Variants in TSGA10 observed in about 807,000 individuals in gnomAD.
TSGA10 encodes testis specific 10.
Under a neutral mutation model 96.6 loss-of-function variants are expected in TSGA10, and 43 were observed. The observed-to-expected ratio is 0.44, with a 90% CI of 0.35 to 0.57. The LOEUF (loss-of-function observed/expected upper bound fraction) is 0.57, where lower values mean the gene tolerates loss of function less well. Among genes scored for constraint, TSGA10 ranks in the 20% least tolerant of loss-of-function variants. TSGA10 has a pLI of 0.01. For missense variants in TSGA10, 703 were observed against 834.4 expected, an observed-to-expected ratio of 0.84 and a Z score of 1.94; for synonymous variants, 229 against 269.9, an observed-to-expected ratio of 0.85 and a Z score of 1.48.
chr2:99,124,586 T>C (rs533714814), intron 2 of TSGA10, among the ~76,000 whole-genome samples: 1 of 152,032 alleles, frequency 6.6e-6, no homozygotes, highest in Non-Finnish European at 1.5e-5. Flanking sequence ...TGTTACATTA[T>C]ATATATATAT....
intron 4 of TSGA10, among the ~76,000 whole-genome samples, chr2:99,111,780 ATG>A (rs2091843825): frequency 6.6e-6 from 1 of 152,126 alleles, no homozygotes; most frequent in African/African-American, 2.4e-5. Flanking sequence ...ACAATTTTCA[ATG>A]TTTTAATGTA....
At chr2:99,060,147 G>A (rs992645440) in intron 16 of TSGA10, among the ~76,000 whole-genome samples, 3 of 152,036 alleles carry the variant, frequency 2.0e-5, no homozygotes, top group Admixed American at 6.6e-5. Flanking sequence ...AATTGCATAC[G>A]TAGAAAATCC....
rs148816283 is a variant in TSGA10, at chr2:99,018,285, T to G, written c.1987A>C (p.Thr663Pro). The G allele has an allele frequency of 9.7e-4, 1,566 of 1,614,196 alleles. 23 individuals carry two copies. The East Asian group carries it at 0.021, about 22-fold the overall frequency. The change falls in exon 20 of 21, where the codon ACA (threonine) becomes CCA (proline). Residue 663 changes from threonine (T) to proline (P), a missense_variant. Thr to Pro is a conservative substitution (Grantham distance 38). Coordinates refer to ENST00000393483, the MANE Select transcript of TSGA10 (RefSeq NM_025244.4). Reference sequence around the variant, plus strand: ...TGACATTTTGTATTTGGCTTCATTGTAGAACTCATATGATAAGCATTACTT... The same window carrying G: ...TGACATTTTGTATTTGGCTTCATTGGAGAACTCATATGATAAGCATTACTT... ...YSSNAYHMSS[T>P]MKPNTKCHSP...
intron 16 of TSGA10, among the ~76,000 whole-genome samples, chr2:99,063,810 A>AT (rs1553456803): frequency 6.6e-6 from 1 of 151,882 alleles, no homozygotes; most frequent in Non-Finnish European, 1.5e-5. Flanking sequence ...ATCTCAAAAA[A>AT]ATATATATAT....
At chr2:99,020,539 T>A in intron 17 of TSGA10, 57 bp from the exon 18 acceptor site, 1 of 1,336,812 alleles carries the variant, frequency 7.5e-7, no homozygotes. Flanking sequence ...TTAACTATTA[T>A]ATTATCAGGG....
At chr2:99,120,171 C>T (rs964520771) in intron 2 of TSGA10, among the ~76,000 whole-genome samples, 1 of 152,166 alleles carries the variant, frequency 6.6e-6, no homozygotes, top group African/African-American at 2.4e-5. Context: ...CTTGTTTCTG[C>T]ATCATTTATT....
At chr2:99,002,112 T>A (rs770423503) in intron 20 of TSGA10, among the ~76,000 whole-genome samples, 3 of 152,132 alleles carry the variant, frequency 2.0e-5, no homozygotes, top group Non-Finnish European at 2.9e-5. Flanking sequence ...CAGGCCGACA[T>A]TCAAATTCAG....
intron 1 of TSGA10, chr2:99,141,255 G>T (rs932859921): frequency 1.1e-6 from 1 of 886,702 alleles, no homozygotes; most frequent in Non-Finnish European, 1.4e-6. Flanking sequence ...CGCCCCGGCG[G>T]ATCGGAGGAA....
intron 12 of TSGA10, among the ~76,000 whole-genome samples, chr2:99,077,980 G>A (rs963359714): frequency 1.3e-5 from 2 of 151,828 alleles, no homozygotes; most frequent in African/African-American, 4.8e-5. Context: ...ATGTAAAAAT[G>A]TGCTCCTAGG....
chr2:99,009,528 C>T (rs2078819355), intron 20 of TSGA10, among the ~76,000 whole-genome samples: 2 of 140,296 alleles, frequency 1.4e-5, no homozygotes, highest in South Asian at 2.3e-4. Context: ...GCCGAGATCG[C>T]ACCACTGCAC....
intron 12 of TSGA10, among the ~76,000 whole-genome samples, chr2:99,076,066 C>A (rs1252581893): frequency 6.6e-6 from 1 of 152,082 alleles, no homozygotes; most frequent in Admixed American, 6.5e-5. Context: ...TTCCTCCAAA[C>A]CTAAAAGTCC....
intron 2 of TSGA10, among the ~76,000 whole-genome samples, chr2:99,119,438 T>G (rs866940145): frequency 1.3e-5 from 2 of 152,166 alleles, no homozygotes; most frequent in Non-Finnish European, 1.5e-5. Flanking sequence ...CAACTCGACT[T>G]AGCTGTCCAA....
chr2:98,998,164 C>T lies in TSGA10; in HGVS notation c.*33G>A. 6.3e-7 allele frequency: 1 copy of T among 1,581,912 alleles called. No individual in the cohort carries two copies. Among genetic ancestry groups the T allele is most frequent in the Non-Finnish European group, 8.6e-7 (1 of 1,168,352 alleles). On this transcript the variant is annotated 3_prime_UTR_variant, in exon 21 of 21. Coordinates refer to ENST00000393483, the MANE Select transcript of TSGA10 (RefSeq NM_025244.4). The stretch of plus-strand genomic sequence containing the variant: ...AAAAAAATCAGTTTGTAACTTTGAC[C>T]TTTCTCAGGGATGTGAAGAATCATT...
At chr2:99,127,292 C>T in intron 1 of TSGA10, 116 bp from the exon 2 acceptor site, 17 of 852,426 alleles carry the variant, frequency 2.0e-5, no homozygotes, top group Non-Finnish European at 2.1e-5. Flanking sequence ...TTAACCATTT[C>T]CCACCAGCTA....
At chr2:99,106,692 T>C (rs2104823969) in intron 7 of TSGA10, among the ~76,000 whole-genome samples, 1 of 149,308 alleles carries the variant, frequency 6.7e-6, no homozygotes, top group East Asian at 2.2e-4. Context: ...ATAATGGTCT[T>C]TTCTCAGTTC....
chr2:99,035,086 C>T lies in TSGA10; in HGVS notation c.1614+144G>A, dbSNP rs539251615. Reference sequence around the variant, plus strand: ...TTGTCTGGAATACAGCTGTCATAAACTAACCTCTTGGATTTTAAAAATAAA... The same window carrying T: ...TTGTCTGGAATACAGCTGTCATAAATTAACCTCTTGGATTTTAAAAATAAA... On this transcript the variant is annotated intron_variant, in intron 17 of 20. Transcript: ENST00000393483. 65 of 602,692 alleles carry T rather than the reference C, an allele frequency of 1.1e-4. No individual in the cohort carries two copies. In the South Asian group the frequency reaches 1.5e-3, roughly 14 times the overall value. 37.3% of individuals were successfully genotyped at this position (602,692 alleles called of 1,614,324 possible).
At chr2:99,031,442 G>A (rs1394218908) in intron 17 of TSGA10, among the ~76,000 whole-genome samples, 1 of 152,000 alleles carries the variant, frequency 6.6e-6, no homozygotes, top group Middle Eastern at 3.4e-3. Context: ...TAGAGCTATA[G>A]CAAATAATTT....
Position 99,101,999 on chromosome 2 carries a change from T to C in TSGA10, c.611+1968A>G, listed in dbSNP as rs1159167304. On this transcript the variant is annotated intron_variant, in intron 10 of 20. Transcript: ENST00000393483. ...TCTTACATTTAACAATACCGGATTA[T>C]ACACTTAAAATTTTGTTAACAGAAT... 3.7e-6 allele frequency: 4 copies of C among 1,090,198 alleles called. No homozygotes were observed. The African/African-American group carries it at 6.2e-5, about 17-fold the overall frequency. 67.5% of individuals were successfully genotyped at this position (1,090,198 alleles called of 1,614,324 possible). A position where few individuals can be genotyped will look rare whatever the true frequency, so the allele number is the denominator to read the frequency against.
At chr2:99,056,392 C>T (rs972986520) in intron 16 of TSGA10, among the ~76,000 whole-genome samples, 5 of 151,934 alleles carry the variant, frequency 3.3e-5, no homozygotes, top group African/African-American at 1.2e-4. Flanking sequence ...TGTGACCTTA[C>T]TGAAATGAAA....
Sources: gnomAD v4.1 joint callset for allele counts (sites outside exome capture counted in the v4.1 genomes callset) on GRCh38, gnomAD v4.1.1 for gene constraint, MANE v1.5 for transcripts, NCBI Gene and HGNC (gene_info 2026-07-23, HGNC 2026-07-21) for gene names.